The following ATP2B2 variants were observed in gnomAD, a reference collection of about 807,000 sequenced individuals.
The protein encoded by ATP2B2 is ATPase plasma membrane Ca2+ transporting 2.
A neutral mutation model predicts 120.0 loss-of-function variants in ATP2B2; 15 were observed. The observed-to-expected ratio is 0.12, with a 90% CI of 0.08 to 0.19. The LOEUF is 0.19. ATP2B2 is among the 10% of genes least tolerant of loss of function. ATP2B2 has a pLI of 1.00. For missense variants in ATP2B2, 1,045 were observed against 1,719.8 expected (o/e 0.61, Z 6.94); for synonymous variants, 694 against 700.3 (o/e 0.99, Z 0.14).
intron 2 of ATP2B2, among the ~76,000 whole-genome samples, chr3:10,563,070 GTCCTTTC>G (rs1407706329): frequency 6.6e-6 from 1 of 152,170 alleles, no homozygotes; most frequent in Non-Finnish European, 1.5e-5. Context: ...GCTGACACAA[GTCCTTTC>G]TGTTTTTCCT....
intron 1 of ATP2B2, among the ~76,000 whole-genome samples, chr3:10,493,389 C>T (rs1377504210): frequency 6.6e-6 from 1 of 151,888 alleles, no homozygotes; most frequent in African/African-American, 2.4e-5. Flanking sequence ...TGCAAAGGCC[C>T]TGAGACAGGA....
intron 1 of ATP2B2, among the ~76,000 whole-genome samples, chr3:10,645,943 C>T (rs1559502483): frequency 6.6e-6 from 1 of 152,154 alleles, no homozygotes; most frequent in Non-Finnish European, 1.5e-5. Context: ...GTGTTCCCCT[C>T]GAACCTGGGA....
intron 17 of ATP2B2, 73 bp from the exon 18 acceptor site, chr3:10,345,648 CTCCCTCCACTTCCTCAG>C (rs1003509635): frequency 2.8e-6 from 4 of 1,411,540 alleles, no homozygotes; most frequent in Non-Finnish European, 4.0e-6. Flanking sequence ...ACCATCCTCA[CTCCCTCCACTTCCTCAG>C]TCCTACACAA....
intron 2 of ATP2B2, among the ~76,000 whole-genome samples, chr3:10,447,500 T>A (rs2063879603): frequency 6.6e-6 from 1 of 152,182 alleles, no homozygotes; most frequent in South Asian, 2.1e-4. Context: ...TTGCGTGTGG[T>A]TGGCTGATTT....
At chr3:10,336,196 G>A (rs1559524594) in intron 22 of ATP2B2, 1 of 1,550,576 alleles carries the variant, frequency 6.4e-7, no homozygotes, top group Admixed American at 2.0e-5. Context: ...CGCGACTAGG[G>A]CTAGAGAGAT....
chr3:10,655,834 T>C (rs746728193), intron 1 of ATP2B2, among the ~76,000 whole-genome samples: 1 of 152,216 alleles, frequency 6.6e-6, no homozygotes, highest in Non-Finnish European at 1.5e-5. Context: ...CATAATAAAC[T>C]GTGGAAACCT....
intron 3 of ATP2B2, among the ~76,000 whole-genome samples, chr3:10,533,377 A>G (rs991641584): frequency 6.6e-6 from 1 of 152,114 alleles, no homozygotes; most frequent in Non-Finnish European, 1.5e-5. Context: ...TGTTCCAGCT[A>G]CTCTGCTAAG....
At chr3:10,524,170 G>GTACTT in intron 3 of ATP2B2, among the ~76,000 whole-genome samples, 1 of 152,284 alleles carries the variant, frequency 6.6e-6, no homozygotes, top group Admixed American at 6.5e-5. Flanking sequence ...GACCCAGGAG[G>GTACTT]TAAGTGAGTC....
intron 1 of ATP2B2, among the ~76,000 whole-genome samples, chr3:10,462,368 T>C (rs939508509): frequency 2.6e-5 from 4 of 152,152 alleles, no homozygotes; most frequent in Non-Finnish European, 5.9e-5. Context: ...GCATAAAGGC[T>C]CAGCCTAACT....
chr3:10,429,461 T>C (rs1575199493), intron 2 of ATP2B2, among the ~76,000 whole-genome samples: 1 of 152,348 alleles, frequency 6.6e-6, no homozygotes, highest in Middle Eastern at 3.4e-3. Context: ...AAATCTGTTG[T>C]GGTGATTTGT....
intron 2 of ATP2B2, among the ~76,000 whole-genome samples, chr3:10,420,538 T>C (rs770472479): frequency 6.6e-6 from 1 of 152,130 alleles, no homozygotes; most frequent in Non-Finnish European, 1.5e-5. Context: ...ATTTTTGTAT[T>C]TTTAGTTGAG....
chr3:10,404,909 T>C (rs553070319), intron 3 of ATP2B2, among the ~76,000 whole-genome samples: 1 of 152,214 alleles, frequency 6.6e-6, no homozygotes, highest in Non-Finnish European at 1.5e-5. Context: ...CCCTGCCCCT[T>C]GCTATGTGCT....
At chr3:10,432,562 C>T (rs759840084) in intron 2 of ATP2B2, among the ~76,000 whole-genome samples, 9 of 152,246 alleles carry the variant, frequency 5.9e-5, no homozygotes, top group Non-Finnish European at 1.0e-4. Context: ...TAAACCCCAG[C>T]GCTCACTTGC....
intron 2 of ATP2B2, among the ~76,000 whole-genome samples, chr3:10,437,763 A>G (rs1222146201): frequency 2.0e-5 from 3 of 152,174 alleles, no homozygotes; most frequent in Non-Finnish European, 4.4e-5. Flanking sequence ...TTGTGGTGGT[A>G]TTTGGAGATA....
At chr3:10,525,181 A>G (rs1014633049) in intron 3 of ATP2B2, among the ~76,000 whole-genome samples, 36 of 152,132 alleles carry the variant, frequency 2.4e-4, no homozygotes, top group African/African-American at 8.7e-4. Context: ...GCTGTAAGGC[A>G]CTTACAGATT....
chr3:10,692,250 C>T (rs1008388026), intron 1 of ATP2B2, among the ~76,000 whole-genome samples: 1 of 152,214 alleles, frequency 6.6e-6, no homozygotes, highest in African/African-American at 2.4e-5. Context: ...CACATAGATG[C>T]AGGCATTAGG....
At chr3:10,632,838 A>G (rs945773245) in intron 1 of ATP2B2, among the ~76,000 whole-genome samples, 3 of 152,212 alleles carry the variant, frequency 2.0e-5, no homozygotes, top group African/African-American at 4.8e-5. Flanking sequence ...CAGCCCCGGA[A>G]TAGTGAGGCC....
chr3:10,429,331 C>A (rs1168056462), intron 2 of ATP2B2, among the ~76,000 whole-genome samples: 1 of 152,204 alleles, frequency 6.6e-6, no homozygotes, highest in Admixed American at 6.5e-5. Flanking sequence ...TGAAGGTTTG[C>A]GGCAACCCTG....
At chr3:10,518,474 C>G (rs1204667714) in intron 3 of ATP2B2, among the ~76,000 whole-genome samples, 1 of 152,180 alleles carries the variant, frequency 6.6e-6, no homozygotes, top group Non-Finnish European at 1.5e-5. Flanking sequence ...GGGAATCTGC[C>G]CTTGTCCCAT....
Sources: gnomAD v4.1 joint callset for allele counts (sites outside exome capture counted in the v4.1 genomes callset) on GRCh38, gnomAD v4.1.1 for gene constraint, MANE v1.5 for transcripts, NCBI Gene and HGNC (gene_info 2026-07-23, HGNC 2026-07-21) for gene names.